Variants in RTN4 observed in about 807,000 individuals in gnomAD.
RTN4 encodes reticulon 4.
In RTN4, 32 loss-of-function variants were observed where a neutral mutation model predicts 90.4. The observed-to-expected ratio is 0.35, with a 90% CI of 0.27 to 0.48. The LOEUF is 0.48. Among genes scored for constraint, RTN4 ranks in the 20% least tolerant of loss-of-function variants. The pLI, the probability that RTN4 is intolerant of heterozygous loss-of-function variation, is 0.99. For synonymous variants in RTN4, 629 were observed against 552.5 expected (o/e 1.14, Z -1.94); for missense variants, 1,706 against 1,430.2 (o/e 1.19, Z -3.11).
At chr2:55,059,748 C>T (rs1392502390) in intron 2 of RTN4, among the ~76,000 whole-genome samples, 5 of 151,824 alleles carry the variant, frequency 3.3e-5, no homozygotes, top group African/African-American at 1.2e-4. Flanking sequence ...GCAGGAGAAT[C>T]GCTTGAACCC....
intron 3 of RTN4, among the ~76,000 whole-genome samples, chr2:55,002,559 A>G (rs150395268): frequency 6.6e-6 from 1 of 152,014 alleles, no homozygotes; most frequent in African/African-American, 2.4e-5. Context: ...GGTTTTCAAT[A>G]TTTCCCTTAA....
chr2:55,059,535 CT>C (rs1239971356), intron 2 of RTN4, among the ~76,000 whole-genome samples: 2 of 151,850 alleles, frequency 1.3e-5, no homozygotes, highest in African/African-American at 4.8e-5. Context: ...TGTATATTTA[CT>C]GGAGATGGGG....
intron 1 of RTN4, among the ~76,000 whole-genome samples, chr2:55,106,756 G>A (rs1298930852): frequency 6.6e-6 from 1 of 152,194 alleles, no homozygotes; most frequent in African/African-American, 2.4e-5. Flanking sequence ...CTGACCCCAG[G>A]TGATCCACCG....
intron 3 of RTN4, among the ~76,000 whole-genome samples, chr2:54,989,483 A>G (rs1678838729): frequency 6.6e-6 from 1 of 152,204 alleles, no homozygotes; most frequent in Non-Finnish European, 1.5e-5. Flanking sequence ...GAAATGGCCT[A>G]TCTATAGGTT....
intron 1 of RTN4, among the ~76,000 whole-genome samples, chr2:55,048,435 A>G (rs1667892869): frequency 6.6e-6 from 1 of 152,188 alleles, no homozygotes; most frequent in Non-Finnish European, 1.5e-5. Flanking sequence ...TTTAACTTAA[A>G]ACACAAACAC....
At chr2:55,135,226 G>A in the RTN4 span, among the ~76,000 whole-genome samples, 2 of 83,010 alleles carry the variant, frequency 2.4e-5, no homozygotes, top group South Asian at 8.3e-4. Flanking sequence ...TTTTTTTTTT[G>A]AGATGGAGTC....
Position 54,972,313 on chromosome 2 carries a change from C to CATA in RTN4, c.*840_*842dup, listed in dbSNP as rs935654987. 2 of 152,602 alleles carry CATA rather than the reference C, an allele frequency of 1.3e-5. No homozygotes were observed. Among genetic ancestry groups the CATA allele is most frequent in the African/African-American group, 4.8e-5 (2 of 41,438 alleles). 9.5% of individuals were successfully genotyped at this position (152,602 alleles called of 1,614,324 possible). On this transcript the variant is annotated 3_prime_UTR_variant, in exon 9 of 9. Coordinates refer to ENST00000337526, the MANE Select transcript of RTN4 (RefSeq NM_020532.5). ...TCATTTTGTAATTAATAATTTCTTG[C>CATA]ATAACAATGTTTGATATTTGCAAAC...
chr2:54,998,942 A>G (rs374230405), intron 3 of RTN4, among the ~76,000 whole-genome samples: 3 of 152,318 alleles, frequency 2.0e-5, no homozygotes, highest in East Asian at 3.9e-4. Context: ...TAATCATACA[A>G]GGTAACCCTA....
At chr2:54,984,047 C>G (rs978832186) in intron 4 of RTN4, among the ~76,000 whole-genome samples, 1 of 152,124 alleles carries the variant, frequency 6.6e-6, no homozygotes, top group African/African-American at 2.4e-5. Context: ...CTTAATGTAG[C>G]CCTTATTAAT....
intron 5 of RTN4, among the ~76,000 whole-genome samples, chr2:54,982,076 C>T (rs1292962125): frequency 6.6e-6 from 1 of 152,080 alleles, no homozygotes; most frequent in Non-Finnish European, 1.5e-5. Context: ...TGTGCCTCAG[C>T]TTCCTGAGTA....
chr2:55,125,681 G>A, the RTN4 span, among the ~76,000 whole-genome samples: 22 of 152,102 alleles, frequency 1.4e-4, no homozygotes, highest in African/African-American at 3.6e-4. Context: ...TGGCAGAATC[G>A]TTTGAACTCA....
intron 1 of RTN4, among the ~76,000 whole-genome samples, chr2:55,093,829 A>AGCTATGCTTCTGTTACTTGAATG (rs1250346624): frequency 1.3e-5 from 2 of 152,226 alleles, no homozygotes; most frequent in African/African-American, 4.8e-5. Context: ...CATTTCATTT[A>AGCTATGCTTCTGTTACTTGAATG]GCTATGCTTC....
At chr2:55,124,284 G>C in the RTN4 span, among the ~76,000 whole-genome samples, 12 of 152,164 alleles carry the variant, frequency 7.9e-5, no homozygotes, top group Non-Finnish European at 1.8e-4. Context: ...CAGTCTTTCC[G>C]TCTAGATCCA....
intron 3 of RTN4, among the ~76,000 whole-genome samples, chr2:55,006,490 A>G (rs180700152): frequency 9.7e-4 from 148 of 152,284 alleles, no homozygotes; most frequent in African/African-American, 3.3e-3. Flanking sequence ...GTAGCTTATC[A>G]TAAGTAAAGA....
At chr2:55,137,439 C>A in the RTN4 span, among the ~76,000 whole-genome samples, 3 of 152,252 alleles carry the variant, frequency 2.0e-5, no homozygotes, top group African/African-American at 7.2e-5. Context: ...AATACCTGGA[C>A]CACGTCAGTG....
intron 1 of RTN4, chr2:55,049,207 G>A (rs1667952188): frequency 2.0e-6 from 2 of 983,548 alleles, no homozygotes; most frequent in Non-Finnish European, 2.4e-6. Context: ...AGGGGGAGGG[G>A]AAGCGCAAAG....
intron 5 of RTN4, among the ~76,000 whole-genome samples, chr2:54,981,003 C>T (rs1293606139): frequency 6.6e-6 from 1 of 152,222 alleles, no homozygotes; most frequent in East Asian, 1.9e-4. Flanking sequence ...TGCCAAACAA[C>T]ATAACCGTAA....
chr2:55,060,301 A>G (rs958175632), intron 2 of RTN4, among the ~76,000 whole-genome samples: 4 of 152,158 alleles, frequency 2.6e-5, no homozygotes, highest in African/African-American at 9.7e-5. Context: ...TACCTTTTTA[A>G]TGTTTTCTAT....
chr2:55,114,556 G>A (rs1446929877), upstream of RTN4, among the ~76,000 whole-genome samples: 2 of 152,110 alleles, frequency 1.3e-5, no homozygotes, highest in African/African-American at 2.4e-5. Context: ...AAAATTAGAT[G>A]AGCGTGGTGA....
Sources: gnomAD v4.1 joint callset for allele counts (sites outside exome capture counted in the v4.1 genomes callset) on GRCh38, gnomAD v4.1.1 for gene constraint, MANE v1.5 for transcripts, NCBI Gene and HGNC (gene_info 2026-07-23, HGNC 2026-07-21) for gene names.